Variants in SMAD1 observed in about 807,000 individuals in gnomAD.
SMAD1 encodes MAD, mothers against decapentaplegic homolog 1.
In SMAD1, 6 loss-of-function variants were observed where a neutral mutation model predicts 41.6. That is an observed-to-expected ratio of 0.14 (90% CI 0.08 to 0.28). The LOEUF (loss-of-function observed/expected upper bound fraction) is 0.28, where lower values mean the gene tolerates loss of function less well. SMAD1 is among the 10% of genes least tolerant of loss of function. The pLI is 1.00. For missense variants in SMAD1, 379 were observed against 582.6 expected (o/e 0.65, Z 3.60); for synonymous variants, 206 against 203.2 (o/e 1.01, Z -0.12).
intron 1 of SMAD1, among the ~76,000 whole-genome samples, chr4:145,512,315 G>C (rs1730125841): frequency 6.6e-6 from 1 of 152,172 alleles, no homozygotes; most frequent in Admixed American, 6.5e-5. Flanking sequence ...TCCTTGGCTA[G>C]TATCTAAAAA....
At chr4:145,502,246 A>T (rs17020248) in intron 1 of SMAD1, among the ~76,000 whole-genome samples, 7 of 152,152 alleles carry the variant, frequency 4.6e-5, no homozygotes. Flanking sequence ...CTTTATCAGG[A>T]TGAGCTTATG....
chr4:145,529,684 C>G (rs1731219577), intron 2 of SMAD1, among the ~76,000 whole-genome samples: 1 of 152,130 alleles, frequency 6.6e-6, no homozygotes, highest in African/African-American at 2.4e-5. Context: ...GAATCAGGAC[C>G]AATACTGTGT....
intron 1 of SMAD1, among the ~76,000 whole-genome samples, chr4:145,509,046 A>C (rs1439279568): frequency 6.6e-6 from 1 of 152,230 alleles, no homozygotes; most frequent in Non-Finnish European, 1.5e-5. Context: ...AGCCTTTATC[A>C]CATGATATTA....
chr4:145,486,270 C>A (rs1728477894), intron 1 of SMAD1, among the ~76,000 whole-genome samples: 1 of 152,136 alleles, frequency 6.6e-6, no homozygotes. Flanking sequence ...CATTTCAAAG[C>A]CAAATTAGTT....
At chr4:145,498,596 C>T (rs1279523607) in intron 1 of SMAD1, among the ~76,000 whole-genome samples, 1 of 152,162 alleles carries the variant, frequency 6.6e-6, no homozygotes, top group African/African-American at 2.4e-5. Flanking sequence ...CCAGCTCACT[C>T]CTAAAGGTAA....
intron 1 of SMAD1, among the ~76,000 whole-genome samples, chr4:145,488,065 C>G (rs1263311090): frequency 2.0e-5 from 3 of 152,066 alleles, no homozygotes; most frequent in African/African-American, 4.8e-5. Context: ...TGAGGAAGTC[C>G]TTACCTGGTG....
chr4:145,517,661 A>ACGCTGGTCTCGAAG (rs1578778733), intron 2 of SMAD1, among the ~76,000 whole-genome samples: 1 of 132,726 alleles, frequency 7.5e-6, no homozygotes, highest in Non-Finnish European at 1.8e-5. Flanking sequence ...TCATTTGGCC[A>ACGCTGGTCTCGAAG]TTTTTTTAGT....
At chr4:145,532,248 A>G (rs2126486245) in intron 2 of SMAD1, among the ~76,000 whole-genome samples, 1 of 152,358 alleles carries the variant, frequency 6.6e-6, no homozygotes, top group Non-Finnish European at 1.5e-5. Context: ...TTTAACAGAG[A>G]TGCACAGTTT....
At chr4:145,499,553 C>T (rs1729303381) in intron 1 of SMAD1, among the ~76,000 whole-genome samples, 1 of 152,046 alleles carries the variant, frequency 6.6e-6, no homozygotes. Flanking sequence ...CCTGGGAGGT[C>T]TAGGCTGCAG....
intron 2 of SMAD1, among the ~76,000 whole-genome samples, chr4:145,538,022 G>C (rs188444954): frequency 3.9e-5 from 6 of 152,274 alleles, no homozygotes; most frequent in African/African-American, 1.4e-4. Flanking sequence ...ATTGCTGTCT[G>C]GTGCTGCATT....
chr4:145,523,749 C>G (rs904841272), intron 2 of SMAD1, among the ~76,000 whole-genome samples: 2 of 152,078 alleles, frequency 1.3e-5, no homozygotes, highest in African/African-American at 4.8e-5. Flanking sequence ...GGTTGGGTTC[C>G]GGGCAGAGCC....
intron 5 of SMAD1, among the ~76,000 whole-genome samples, chr4:145,549,402 T>C (rs1402981282): frequency 1.3e-5 from 2 of 152,246 alleles, no homozygotes; most frequent in African/African-American, 4.8e-5. Context: ...TAAAGATACC[T>C]GTCTACTCAC....
At chr4:145,551,931 A>C (rs1003981297) in intron 5 of SMAD1, among the ~76,000 whole-genome samples, 1 of 152,234 alleles carries the variant, frequency 6.6e-6, no homozygotes, top group South Asian at 2.1e-4. Flanking sequence ...TTATCATGGC[A>C]TTAACTATAA....
intron 2 of SMAD1, among the ~76,000 whole-genome samples, chr4:145,519,406 T>A (rs1373886843): frequency 1.3e-5 from 2 of 151,838 alleles, no homozygotes; most frequent in African/African-American, 4.8e-5. Context: ...GAACCTTTTT[T>A]TTTTTCACCA....
In SMAD1 at chr4:145,482,208, G is replaced by T. The variant is rs1244329355; in HGVS notation, c.-177+170G>T. Among the ~76,000 whole-genome samples, 1 of 147,330 alleles carries T rather than the reference G, an allele frequency of 6.8e-6. No individual in the cohort carries two copies. The highest frequency in any genetic ancestry group is 2.6e-5 in the African/African-American group (1 of 38,792). ...GCGGCGGGAAGGGGGCTCTTTCTGC[G>T]CGGGGCGGGCCGCGACCCCCCCCCC... is the stretch of plus-strand genomic sequence containing the variant. On this transcript the variant is annotated intron_variant, in intron 1 of 6. Coordinates refer to ENST00000302085, the MANE Select transcript of SMAD1 (RefSeq NM_005900.3). The surrounding 1 kb of genome is among the most constrained non-coding windows in gnomAD (Gnocchi z 4.2).
intron 1 of SMAD1, among the ~76,000 whole-genome samples, chr4:145,503,573 A>G (rs781261300): frequency 2.6e-5 from 4 of 152,156 alleles, no homozygotes; most frequent in Non-Finnish European, 4.4e-5. Flanking sequence ...GTTGAGGGCT[A>G]ACTGCTGTTT....
At chr4:145,540,505 A>G (rs994887239) in intron 3 of SMAD1, among the ~76,000 whole-genome samples, 1 of 152,228 alleles carries the variant, frequency 6.6e-6, no homozygotes, top group Non-Finnish European at 1.5e-5. Flanking sequence ...CCCACCCCCT[A>G]CTTAATTAAA....
chr4:145,483,283 C>T (rs1156826503), intron 1 of SMAD1: 1 of 152,086 alleles, frequency 6.6e-6, no homozygotes, highest in Non-Finnish European at 1.5e-5. Flanking sequence ...TGCATGATTT[C>T]TGTTATTTCT....
At position 145,527,369 on chromosome 4, in the gene SMAD1, G is replaced by A. The variant is rs866355801; in HGVS notation, c.400+12356G>A. On this transcript the variant is annotated intron_variant, in intron 2 of 6. Coordinates refer to ENST00000302085, the MANE Select transcript of SMAD1 (RefSeq NM_005900.3). Reference sequence around the variant, plus strand: ...CTCCCAAGTAGCTGGGACTACAGGCGCCCGCCACTACGCCCAGCCAATTTT... The same window carrying A: ...CTCCCAAGTAGCTGGGACTACAGGCACCCGCCACTACGCCCAGCCAATTTT... 2.3e-4 allele frequency among the ~76,000 whole-genome samples: 35 copies of A among 151,030 alleles called. 1 individual carries two copies. Among genetic ancestry groups the A allele is most frequent in the Middle Eastern group, 3.2e-3 (1 of 310 alleles).
Sources: gnomAD v4.1 joint callset for allele counts (sites outside exome capture counted in the v4.1 genomes callset) on GRCh38, gnomAD v4.1.1 for gene constraint, Gnocchi (gnomAD v3.1) non-coding constraint, MANE v1.5 for transcripts, NCBI Gene and HGNC (gene_info 2026-07-23, HGNC 2026-07-21) for gene names.